The following CDH8 variants were observed in gnomAD, a reference collection of about 807,000 sequenced individuals.
The protein encoded by CDH8 is cadherin-8.
Under a neutral mutation model 68.1 loss-of-function variants are expected in CDH8, and 17 were observed. The ratio of observed to expected loss-of-function variants is 0.25; its 90% CI spans 0.17 to 0.37. The LOEUF is 0.37. Ranked by LOEUF, CDH8 falls within the 10% of genes least tolerant of loss-of-function variation. The pLI is 1.00. For missense variants in CDH8, 763 were observed against 999.3 expected, an observed-to-expected ratio of 0.76 and a Z score of 3.19; for synonymous variants, 372 against 365.1, an observed-to-expected ratio of 1.02 and a Z score of -0.21.
intron 3 of CDH8, among the ~76,000 whole-genome samples, chr16:61,872,709 G>C (rs1480562043): frequency 2.6e-5 from 4 of 152,142 alleles, no homozygotes; most frequent in Admixed American, 6.6e-5. Context: ...CTAAACTAGT[G>C]TTTTCAGGTT....
At chr16:61,696,839 A>T (rs1037193001) in intron 10 of CDH8, among the ~76,000 whole-genome samples, 1 of 152,194 alleles carries the variant, frequency 6.6e-6, no homozygotes, top group Non-Finnish European at 1.5e-5. Context: ...CAACACAGGG[A>T]CAGGAAACCA....
At chr16:61,893,400 A>ATGTGTGTGTGTGTGAGTG (rs1242354328) in intron 3 of CDH8, among the ~76,000 whole-genome samples, 1 of 147,642 alleles carries the variant, frequency 6.8e-6, no homozygotes. Context: ...GTACAGGTAG[A>ATGTGTGTGTGTGTGAGTG]TGTGTGTGTG....
At chr16:61,741,645 TG>T (rs1428506022) in intron 8 of CDH8, among the ~76,000 whole-genome samples, 1 of 152,168 alleles carries the variant, frequency 6.6e-6, no homozygotes, top group Non-Finnish European at 1.5e-5. Flanking sequence ...GTGGCATCTT[TG>T]TTATAATTCA....
chr16:61,857,764 T>C (rs955747739), intron 3 of CDH8, among the ~76,000 whole-genome samples: 8 of 152,162 alleles, frequency 5.3e-5, no homozygotes, highest in African/African-American at 1.9e-4. Flanking sequence ...TTAGGCATAA[T>C]GGATAACAGA....
At chr16:61,960,023 TACACAC>T (rs368850293) in intron 2 of CDH8, among the ~76,000 whole-genome samples, 1 of 54,476 alleles carries the variant, frequency 1.8e-5, no homozygotes, top group African/African-American at 1.2e-4. Context: ...TATACACACA[TACACAC>T]ACACACACAA....
chr16:61,930,066 A>C (rs947340672), intron 2 of CDH8, among the ~76,000 whole-genome samples: 22 of 152,248 alleles, frequency 1.4e-4, no homozygotes, highest in East Asian at 7.7e-4. Context: ...ATTTAAACAG[A>C]AGGTTGATTG....
chr16:61,757,612 T>C (rs1408665194), intron 8 of CDH8, among the ~76,000 whole-genome samples: 1 of 152,138 alleles, frequency 6.6e-6, no homozygotes, highest in Non-Finnish European at 1.5e-5. Context: ...ACTGTGCTAA[T>C]TTCTAAGCTC....
intron 2 of CDH8, among the ~76,000 whole-genome samples, chr16:61,911,217 T>C (rs1964155824): frequency 6.6e-6 from 1 of 152,052 alleles, no homozygotes; most frequent in East Asian, 1.9e-4. Context: ...GATCAATAAC[T>C]GATTGATAAG....
chr16:61,670,033 T>C (rs1231898620), intron 10 of CDH8, among the ~76,000 whole-genome samples: 1 of 152,092 alleles, frequency 6.6e-6, no homozygotes, highest in Non-Finnish European at 1.5e-5. Context: ...GATTCAATCG[T>C]TCAATAATGG....
chr16:61,829,800 C>T (rs765961479), intron 4 of CDH8, among the ~76,000 whole-genome samples: 29 of 151,732 alleles, frequency 1.9e-4, no homozygotes, highest in Non-Finnish European at 4.1e-4. Context: ...CTTGCTTTCC[C>T]GAGTCCACTG....
At chr16:61,975,082 T>C (rs1334230164) in intron 2 of CDH8, among the ~76,000 whole-genome samples, 2 of 152,110 alleles carry the variant, frequency 1.3e-5, no homozygotes, top group African/African-American at 2.4e-5. Flanking sequence ...GTCAAGTGTA[T>C]TGAAGTGTGG....
rs1567461327 is a variant in CDH8, at chr16:61,768,394, C to CT, written c.1414+20951_1414+20952insA. 2.3e-4 allele frequency among the ~76,000 whole-genome samples: 11 copies of CT among 47,972 alleles called. 1 individual carries two copies. The highest frequency in any genetic ancestry group is 8.2e-4 in the African/African-American group (6 of 7,294). 31.5% of individuals were successfully genotyped at this position (47,972 alleles called of 152,430 possible). A position where few individuals can be genotyped will look rare whatever the true frequency, so the allele number is the denominator to read the frequency against. On this transcript the variant is annotated intron_variant, in intron 8 of 11. Transcript: ENST00000577390. ...CCTTTCTCTCTCTCTCTCTCTCTCT[C>CT]CCTTTCTCTCTCTCTCTCTCTCTCT...
At chr16:61,784,483 T>C (rs1465767985) in intron 8 of CDH8, among the ~76,000 whole-genome samples, 1 of 148,810 alleles carries the variant, frequency 6.7e-6, no homozygotes, top group Non-Finnish European at 1.5e-5. Context: ...CACACATTAA[T>C]AATGGGAGAC....
At chr16:61,801,638 G>A (rs1295943222) in intron 7 of CDH8, among the ~76,000 whole-genome samples, 3 of 152,326 alleles carry the variant, frequency 2.0e-5, no homozygotes, top group East Asian at 1.9e-4. Context: ...GCAGGGCGAG[G>A]CATTGCCTCA....
At chr16:61,750,056 C>T (rs1960119246) in intron 8 of CDH8, among the ~76,000 whole-genome samples, 2 of 152,022 alleles carry the variant, frequency 1.3e-5, no homozygotes. Context: ...CCCTTTGTCC[C>T]CCTGTCTCCC....
intron 2 of CDH8, among the ~76,000 whole-genome samples, chr16:61,943,669 T>C (rs553418714): frequency 1.3e-5 from 2 of 152,340 alleles, no homozygotes; most frequent in Admixed American, 1.3e-4. Flanking sequence ...CTATTTTCCA[T>C]GTACTGTGTT....
At chr16:61,909,940 C>A (rs1445518329) in intron 2 of CDH8, among the ~76,000 whole-genome samples, 1 of 152,166 alleles carries the variant, frequency 6.6e-6, no homozygotes. Flanking sequence ...TTTCTACTAT[C>A]TTCGGTCTGG....
intron 2 of CDH8, among the ~76,000 whole-genome samples, chr16:62,002,415 T>C (rs1293245141): frequency 6.6e-6 from 1 of 152,216 alleles, no homozygotes; most frequent in East Asian, 1.9e-4. Context: ...TTAGAGGAAC[T>C]ATACGACTTC....
At chr16:61,772,345 G>C (rs1326947281) in intron 8 of CDH8, among the ~76,000 whole-genome samples, 1 of 151,922 alleles carries the variant, frequency 6.6e-6, no homozygotes, top group Non-Finnish European at 1.5e-5. Context: ...AATAGCAATT[G>C]GGTTTTCCCT....
Sources: allele counts gnomAD v4.1 joint callset (sites outside exome capture counted in the v4.1 genomes callset), GRCh38; gene constraint gnomAD v4.1.1; transcripts MANE v1.5; gene names NCBI Gene and HGNC (gene_info 2026-07-23, HGNC 2026-07-21).